The following IL1RAPL1 variants were observed in gnomAD, a reference collection of about 807,000 sequenced individuals.
The protein encoded by IL1RAPL1 is interleukin 1 receptor accessory protein like 1, also known as interleukin-1 receptor accessory protein-like 1.
IL1RAPL1 carries 3 observed loss-of-function variants against 48.4 expected under a neutral mutation model. That is an observed-to-expected ratio of 0.06 (90% CI 0.03 to 0.16). The LOEUF is 0.16. IL1RAPL1 is among the 10% of genes least tolerant of loss of function. The probability of loss-of-function intolerance (pLI) is 1.00; values close to 1 mark genes in which losing one functional copy is unlikely to be tolerated. For synonymous variants in IL1RAPL1, 185 were observed against 187.7 expected (o/e 0.99, Z 0.12); for missense variants, 349 against 530.6 (o/e 0.66, Z 3.36).
chrX:28,773,988 T>G (rs1936335861), intron 1 of IL1RAPL1, among the ~76,000 whole-genome samples: 1 of 112,305 alleles, frequency 8.9e-6, no homozygotes, highest in Non-Finnish European at 1.9e-5. Context: ...GTTCTCACCT[T>G]AGCTGATCCT....
At chrX:29,243,447 G>A (rs1931456609) in intron 2 of IL1RAPL1, among the ~76,000 whole-genome samples, 1 of 111,623 alleles carries the variant, frequency 9.0e-6, no homozygotes, top group South Asian at 3.7e-4. Context: ...GGGTTGTGCC[G>A]TGTTGTGGCC....
At chrX:29,608,831 A>C (rs1175578743) in intron 5 of IL1RAPL1, among the ~76,000 whole-genome samples, 1 of 110,536 alleles carries the variant, frequency 9.0e-6, no homozygotes, top group Non-Finnish European at 1.9e-5. Context: ...GTCTCAAAAA[A>C]ATAAAATAAA....
At chrX:29,772,569 T>C (rs1441631511) in intron 6 of IL1RAPL1, among the ~76,000 whole-genome samples, 3 of 111,909 alleles carry the variant, frequency 2.7e-5, no homozygotes, top group Admixed American at 9.5e-5. Flanking sequence ...TAAAAGCCCT[T>C]AACTTCATTA....
At chrX:29,479,678 T>TC (rs911628659) in intron 5 of IL1RAPL1, among the ~76,000 whole-genome samples, 6 of 108,591 alleles carry the variant, frequency 5.5e-5, no homozygotes, top group East Asian at 5.8e-4. Context: ...CTCCCAACGT[T>TC]CCCCCCCAGT....
intron 3 of IL1RAPL1, among the ~76,000 whole-genome samples, chrX:29,304,893 A>T (rs1932594449): frequency 1.8e-5 from 2 of 112,315 alleles, no homozygotes; most frequent in Middle Eastern, 4.6e-3. Flanking sequence ...GCCTCAGGGC[A>T]TGCATGTGTA....
At chrX:29,202,552 C>T (rs1175668309) in intron 2 of IL1RAPL1, among the ~76,000 whole-genome samples, 1 of 111,898 alleles carries the variant, frequency 8.9e-6, no homozygotes, top group Non-Finnish European at 1.9e-5. Flanking sequence ...TAAAGAAACA[C>T]ACATGCGTAT....
At chrX:28,858,525 C>T (rs1312018177) in intron 2 of IL1RAPL1, among the ~76,000 whole-genome samples, 1 of 112,169 alleles carries the variant, frequency 8.9e-6, no homozygotes, top group Non-Finnish European at 1.9e-5. Context: ...CAAGACCCTC[C>T]ACCAGCAAAA....
At chrX:29,769,780 C>A (rs774739713) in intron 6 of IL1RAPL1, among the ~76,000 whole-genome samples, 1 of 105,956 alleles carries the variant, frequency 9.4e-6, no homozygotes, top group South Asian at 4.3e-4. Context: ...CCATGCCCAG[C>A]TAATTTTTGT....
chrX:28,699,144 A>ATCCTTTGAG (rs763064282), intron 1 of IL1RAPL1, among the ~76,000 whole-genome samples: 2 of 112,163 alleles, frequency 1.8e-5, no homozygotes, highest in African/African-American at 3.2e-5. Flanking sequence ...AGATCATGTG[A>ATCCTTTGAG]TCCTTTGAGC....
intron 3 of IL1RAPL1, among the ~76,000 whole-genome samples, chrX:29,376,615 C>T (rs1933627648): frequency 9.0e-6 from 1 of 111,013 alleles, no homozygotes; most frequent in Non-Finnish European, 1.9e-5. Context: ...TCAAACAATC[C>T]ACCCACTTTG....
rs1569161801 is a variant in IL1RAPL1, at chrX:28,737,162, C to T, written c.-24-52158C>T. Among the ~76,000 whole-genome samples the T allele has an allele frequency of 6.7e-3, 213 of 31,780 alleles. 2 individuals carry two copies. The highest frequency in any genetic ancestry group is 0.023 in the African/African-American group (208 of 9,199). 27.6% of individuals were successfully genotyped at this position (31,780 alleles called of 115,157 possible). A position where few individuals can be genotyped will look rare whatever the true frequency, so the allele number is the denominator to read the frequency against. On this transcript the variant is annotated intron_variant, in intron 1 of 10. Coordinates refer to ENST00000378993, the MANE Select transcript of IL1RAPL1 (RefSeq NM_014271.4). ...CCTTCCTTCCTTCCTTCCTTCCTTCCTTCCTTCCTTCCTTCCTTTCTTTCC... is the reference window on the plus strand; with the variant it reads ...CCTTCCTTCCTTCCTTCCTTCCTTCTTTCCTTCCTTCCTTCCTTTCTTTCC...
At chrX:29,520,483 T>A (rs1935491889) in intron 5 of IL1RAPL1, among the ~76,000 whole-genome samples, 1 of 112,114 alleles carries the variant, frequency 8.9e-6, no homozygotes, top group East Asian at 2.8e-4. Flanking sequence ...ATTCTATTTC[T>A]ATTTTTTAGT....
intron 6 of IL1RAPL1, among the ~76,000 whole-genome samples, chrX:29,895,601 A>G (rs1054783165): frequency 8.9e-6 from 1 of 112,934 alleles, no homozygotes; most frequent in Admixed American, 9.3e-5. Context: ...ATTTATTCTC[A>G]GTATTTAATA....
intron 6 of IL1RAPL1, among the ~76,000 whole-genome samples, chrX:29,689,955 G>C (rs763788733): frequency 5.4e-5 from 6 of 111,677 alleles, no homozygotes; most frequent in Non-Finnish European, 9.4e-5. Context: ...TGAATAAGAG[G>C]AAGTAGGAGC....
intron 2 of IL1RAPL1, among the ~76,000 whole-genome samples, chrX:29,112,314 C>T (rs764478022): frequency 4.5e-5 from 5 of 111,583 alleles, no homozygotes; most frequent in Non-Finnish European, 9.4e-5. Context: ...TTTGCCTTAA[C>T]GGTTAGTGAT....
intron 5 of IL1RAPL1, among the ~76,000 whole-genome samples, chrX:29,614,898 T>G (rs759717116): frequency 6.8e-4 from 75 of 109,792 alleles, no homozygotes; most frequent in African/African-American, 2.3e-3. Context: ...AGACGGAGCT[T>G]GCAGTGAGCG....
intron 10 of IL1RAPL1, among the ~76,000 whole-genome samples, 155 bp from the exon 11 acceptor site, chrX:29,954,947 C>T (rs1254335146): frequency 2.7e-5 from 3 of 111,650 alleles, no homozygotes; most frequent in Non-Finnish European, 5.7e-5. Flanking sequence ...GAGATTTGTA[C>T]CGGGAAAAAA....
intron 2 of IL1RAPL1, among the ~76,000 whole-genome samples, chrX:29,016,641 C>G (rs1926248109): frequency 9.0e-6 from 1 of 111,206 alleles, no homozygotes; most frequent in African/African-American, 3.3e-5. Flanking sequence ...CAATGTGTCA[C>G]TTACTGTGGA....
intron 2 of IL1RAPL1, among the ~76,000 whole-genome samples, chrX:28,887,131 A>G (rs752165701): frequency 2.7e-5 from 3 of 111,119 alleles, no homozygotes; most frequent in African/African-American, 9.8e-5. Context: ...ATGTGGTTGT[A>G]TTGAGAGGTG....
Sources: allele counts gnomAD v4.1 joint callset (sites outside exome capture counted in the v4.1 genomes callset), GRCh38; gene constraint gnomAD v4.1.1; transcripts MANE v1.5; gene names NCBI Gene and HGNC (gene_info 2026-07-23, HGNC 2026-07-21).